NFIC: variants seen among roughly 807,000 people sequenced by gnomAD.
The protein encoded by NFIC is nuclear factor 1 C-type.
A neutral mutation model predicts 54.4 loss-of-function variants in NFIC; 12 were observed. The ratio of observed to expected loss-of-function variants is 0.22; its 90% confidence interval spans 0.14 to 0.36. The LOEUF (loss-of-function observed/expected upper bound fraction) is 0.36, where lower values mean the gene tolerates loss of function less well. Among genes scored for constraint, NFIC ranks in the 10% least tolerant of loss-of-function variants. NFIC has a pLI of 1.00. For synonymous variants in NFIC, 322 were observed against 319.2 expected (o/e 1.01, Z -0.09); for missense variants, 575 against 718.2 (o/e 0.80, Z 2.28).
intron 2 of NFIC, among the ~76,000 whole-genome samples, chr19:3,393,141 A>G (rs1345860505): frequency 2.0e-5 from 3 of 151,896 alleles, no homozygotes; most frequent in South Asian, 2.1e-4. Context: ...GAGTTTTACC[A>G]TGTTGGCCAG....
chr19:3,389,609 G>C (rs935617654), intron 2 of NFIC, among the ~76,000 whole-genome samples: 3 of 152,242 alleles, frequency 2.0e-5, no homozygotes, highest in Admixed American at 1.3e-4. Flanking sequence ...TCTGTAGAAT[G>C]GGGAGAATCA....
Position 3,439,358 on chromosome 19 carries a change from A to T in NFIC, c.958+4151A>T, listed in dbSNP as rs1395736809. ...CAAAAAAAAAAAAAAAAAAAAAAAA[A>T]AAAAAAAAAAAAAAAAAGGCTCACC... is the stretch of plus-strand genomic sequence containing the variant. On this transcript the variant is annotated intron_variant, in intron 6 of 10. Coordinates refer to ENST00000443272, the MANE Select transcript of NFIC (RefSeq NM_001245002.2). Among the ~76,000 whole-genome samples the T allele has an allele frequency of 3.0e-4, 41 of 135,080 alleles. 1 individual carries two copies. Among genetic ancestry groups the T allele is most frequent in the African/African-American group, 1.1e-3 (38 of 35,686 alleles). 88.6% of individuals were successfully genotyped at this position (135,080 alleles called of 152,430 possible). A position where few individuals can be genotyped will look rare whatever the true frequency, so the allele number is the denominator to read the frequency against.
At chr19:3,428,716 G>C (rs952435645) in intron 3 of NFIC, among the ~76,000 whole-genome samples, 1 of 152,162 alleles carries the variant, frequency 6.6e-6, no homozygotes, top group Non-Finnish European at 1.5e-5. Context: ...GTCCCCTGGG[G>C]AGCTTGGGCG....
intron 2 of NFIC, among the ~76,000 whole-genome samples, chr19:3,414,126 T>A (rs2081810678): frequency 6.6e-6 from 1 of 152,078 alleles, no homozygotes; most frequent in Admixed American, 6.6e-5. Context: ...AGCTCCAATG[T>A]ACAGATGAAG....
intron 9 of NFIC, chr19:3,454,346 A>G: frequency 2.3e-6 from 2 of 862,388 alleles, no homozygotes; most frequent in South Asian, 1.0e-4. Context: ...GACGTTTTAC[A>G]TAAACATTTC....
At chr19:3,436,471 T>A (rs1326191492) in intron 6 of NFIC, among the ~76,000 whole-genome samples, 1 of 139,218 alleles carries the variant, frequency 7.2e-6, no homozygotes, top group Admixed American at 7.2e-5. Flanking sequence ...GCCCCTCTTA[T>A]TTTTTTTTAA....
chr19:3,408,964 T>C (rs550372190), intron 2 of NFIC, among the ~76,000 whole-genome samples: 2 of 152,170 alleles, frequency 1.3e-5, no homozygotes, highest in East Asian at 3.9e-4. Flanking sequence ...ACTCCTTGCC[T>C]CAAGTGATCC....
chr19:3,361,194 ACG>A (rs2080806578), intron 1 of NFIC, among the ~76,000 whole-genome samples: 1 of 152,066 alleles, frequency 6.6e-6, no homozygotes, highest in Admixed American at 6.5e-5. Flanking sequence ...CGGCACGCAG[ACG>A]TCGCTCGCCA....
intron 2 of NFIC, among the ~76,000 whole-genome samples, chr19:3,408,995 G>A (rs2081703967): frequency 6.6e-6 from 1 of 152,110 alleles, no homozygotes; most frequent in Non-Finnish European, 1.5e-5. Flanking sequence ...GCCTCCCAAA[G>A]TGCTGGAATT....
intron 2 of NFIC, among the ~76,000 whole-genome samples, chr19:3,396,641 C>T (rs562288269): frequency 1.3e-5 from 2 of 152,292 alleles, no homozygotes; most frequent in East Asian, 1.9e-4. Context: ...TAGCCCAGAG[C>T]TTGCAGAGCT....
chr19:3,431,434 T>A (rs1201741571), intron 3 of NFIC, among the ~76,000 whole-genome samples: 2 of 133,906 alleles, frequency 1.5e-5, no homozygotes, highest in East Asian at 5.2e-4. Context: ...AGTGGTGCAA[T>A]CATAGCTCAC....
At chr19:3,372,317 G>A (rs76957921) in intron 1 of NFIC, among the ~76,000 whole-genome samples, 2,848 of 152,142 alleles carry the variant, frequency 0.019, 94 homozygotes, top group African/African-American at 0.064. Context: ...CACCGTGCCC[G>A]GCCTCTGTTA....
chr19:3,451,656 A>G (rs1021041112), intron 7 of NFIC, among the ~76,000 whole-genome samples: 1 of 150,422 alleles, frequency 6.6e-6, no homozygotes, highest in Non-Finnish European at 1.5e-5. Flanking sequence ...AAAGATCACT[A>G]TTCAGCCATT....
At chr19:3,432,289 GT>G (rs905946619) in intron 3 of NFIC, among the ~76,000 whole-genome samples, 8 of 152,146 alleles carry the variant, frequency 5.3e-5, no homozygotes, top group Non-Finnish European at 1.0e-4. Context: ...GACACTGAGG[GT>G]TTTAACTGCG....
Position 3,463,266 on chromosome 19 carries a change from C to G in NFIC, c.*497C>G. On this transcript the variant is annotated 3_prime_UTR_variant, in exon 11 of 11. Transcript: ENST00000443272. ...CGCGACACCCAGCAAGGCCACCTCTCCCCGGGCCCCCGCGCCTCTGCCGGA... is the reference window on the plus strand; with the variant it reads ...CGCGACACCCAGCAAGGCCACCTCTGCCCGGGCCCCCGCGCCTCTGCCGGA... 1.0e-6 allele frequency: 1 copy of G among 990,508 alleles called. No individual in the cohort carries two copies. Among genetic ancestry groups the G allele is most frequent in the Non-Finnish European group, 1.2e-6 (1 of 833,714 alleles). The allele number at this position is 990,508 out of a possible 1,614,324, so 61.4% of individuals were successfully genotyped here.
intron 2 of NFIC, among the ~76,000 whole-genome samples, chr19:3,384,626 C>T (rs12104241): frequency 0.34 from 51,504 of 152,054 alleles, 10,722 homozygotes; most frequent in African/African-American, 0.58. Flanking sequence ...TGAACTCAAA[C>T]GATCCACTGG....
chr19:3,431,844 C>G (rs542507864), intron 3 of NFIC, among the ~76,000 whole-genome samples: 213 of 152,314 alleles, frequency 1.4e-3, no homozygotes, highest in African/African-American at 4.4e-3. Context: ...TGTGGCTAGA[C>G]CACGCTGTGT....
intron 2 of NFIC, among the ~76,000 whole-genome samples, chr19:3,401,163 G>A (rs1020664534): frequency 6.6e-6 from 1 of 152,210 alleles, no homozygotes. Flanking sequence ...AGAGAAGGAG[G>A]AGGGGAGGGC....
At chr19:3,433,304 A>T (rs1261673059) in intron 3 of NFIC, among the ~76,000 whole-genome samples, 1 of 152,196 alleles carries the variant, frequency 6.6e-6, no homozygotes, top group Non-Finnish European at 1.5e-5. Context: ...GCATGGGGGA[A>T]CCCGGATGAA....
Sources: allele counts gnomAD v4.1 joint callset (sites outside exome capture counted in the v4.1 genomes callset), GRCh38; gene constraint gnomAD v4.1.1; transcripts MANE v1.5; gene names NCBI Gene and HGNC (gene_info 2026-07-23, HGNC 2026-07-21).